Variants in BICD1 observed in about 807,000 individuals in gnomAD.
BICD1 encodes protein bicaudal D homolog 1.
A neutral mutation model predicts 92.5 loss-of-function variants in BICD1; 35 were observed. That is an observed-to-expected ratio of 0.38 (90% confidence interval 0.29 to 0.50). BICD1 has a LOEUF of 0.50. Ranked by LOEUF, BICD1 falls within the 20% of genes least tolerant of loss-of-function variation. The probability of loss-of-function intolerance (pLI) is 0.93; values close to 1 mark genes in which losing one functional copy is unlikely to be tolerated. For missense variants in BICD1, 950 were observed against 1,189.8 expected (o/e 0.80, Z 2.97); for synonymous variants, 429 against 465.1 (o/e 0.92, Z 1.00).
intron 1 of BICD1, among the ~76,000 whole-genome samples, chr12:32,170,423 A>G (rs10506083): frequency 0.44 from 66,550 of 152,078 alleles, 15,445 homozygotes; most frequent in East Asian, 0.59. Flanking sequence ...TTCTTGGGCC[A>G]GAGCCTAAAC....
At chr12:32,147,394 G>A (rs1411948198) in intron 1 of BICD1, among the ~76,000 whole-genome samples, 1 of 152,064 alleles carries the variant, frequency 6.6e-6, no homozygotes, top group Admixed American at 6.5e-5. Flanking sequence ...TTCAGGTGGC[G>A]GTGGTGGATT....
intron 1 of BICD1, among the ~76,000 whole-genome samples, chr12:32,145,602 A>G (rs942530955): frequency 2.7e-4 from 41 of 152,358 alleles, no homozygotes; most frequent in African/African-American, 8.4e-4. Context: ...AACATAGCCA[A>G]TAACTTTACA....
chr12:32,322,495 T>A (rs574536433), intron 4 of BICD1, among the ~76,000 whole-genome samples: 1 of 152,274 alleles, frequency 6.6e-6, no homozygotes, highest in Admixed American at 6.5e-5. Flanking sequence ...GGCAATCTGA[T>A]GCTGCCACTC....
Position 32,216,360 on chromosome 12 carries a change from C to A in BICD1, c.327C>A (p.Ile109=). 6.2e-7 allele frequency: 1 copy of A among 1,614,124 alleles called. No individual in the cohort carries two copies. The highest frequency in any genetic ancestry group is 1.1e-5 in the South Asian group (1 of 91,068). The part of the protein sequence containing the change: ...ASKEAYYLGK[I]LEMQNELKQS... Reference sequence around the variant, plus strand: ...AGGAGGCTTACTATCTGGGGAAGATCTTGGAGATGCAGAACGAGCTGAAAC... The same window carrying A: ...AGGAGGCTTACTATCTGGGGAAGATATTGGAGATGCAGAACGAGCTGAAAC... Residue 109 remains isoleucine (I), a synonymous_variant, in exon 2 of 10, where the codon ATC becomes ATA. Transcript: ENST00000652176.
intron 3 of BICD1, 142 bp from the exon 4 acceptor site, chr12:32,305,555 A>G (rs1948189046): frequency 1.5e-6 from 1 of 649,160 alleles, no homozygotes; most frequent in South Asian, 2.4e-5. Context: ...AACTTTAAGG[A>G]TATATTGTGT....
intron 1 of BICD1, among the ~76,000 whole-genome samples, chr12:32,207,033 T>C (rs776081956): frequency 4.6e-5 from 7 of 152,176 alleles, no homozygotes; most frequent in Non-Finnish European, 1.0e-4. Context: ...AAGAAAATGG[T>C]GATACAAAAT....
At chr12:32,364,564 T>G (rs1472260609) in intron 8 of BICD1, among the ~76,000 whole-genome samples, 1 of 152,244 alleles carries the variant, frequency 6.6e-6, no homozygotes, top group Non-Finnish European at 1.5e-5. Context: ...TTTAATTTTT[T>G]AAGTCCATCA....
In BICD1 at chr12:32,333,331, T is replaced by C. The variant is rs1937961380; in HGVS notation, c.2101-1185T>C. The C allele has an allele frequency of 5.5e-6, 5 of 916,542 alleles. No individual in the cohort carries two copies. In the South Asian group the frequency reaches 2.5e-4, roughly 46 times the overall value. 56.8% of individuals were successfully genotyped at this position (916,542 alleles called of 1,614,324 possible). A position where few individuals can be genotyped will look rare whatever the true frequency, so the allele number is the denominator to read the frequency against. On this transcript the variant is annotated intron_variant, in intron 5 of 9. Coordinates refer to ENST00000652176, the MANE Select transcript of BICD1 (RefSeq NM_001714.4). ...AGAACATACAGAAGTATTTTATGAGTAAAGTCTCATTTTAATCTGAATTTA... is the reference window on the plus strand; with the variant it reads ...AGAACATACAGAAGTATTTTATGAGCAAAGTCTCATTTTAATCTGAATTTA...
At chr12:32,368,524 G>A (rs374588019) in intron 9 of BICD1, among the ~76,000 whole-genome samples, 8 of 151,792 alleles carry the variant, frequency 5.3e-5, no homozygotes, top group East Asian at 1.9e-4. Context: ...GTGAAACCCC[G>A]TCTCTACTAA....
chr12:32,141,917 A>G (rs912837869), intron 1 of BICD1, among the ~76,000 whole-genome samples: 1 of 152,162 alleles, frequency 6.6e-6, no homozygotes, highest in African/African-American at 2.4e-5. Context: ...AGCCTAGCAC[A>G]TAGTAGGTGA....
At chr12:32,250,180 G>A (rs1946490384) in intron 2 of BICD1, among the ~76,000 whole-genome samples, 1 of 152,086 alleles carries the variant, frequency 6.6e-6, no homozygotes, top group African/African-American at 2.4e-5. Context: ...TTCAGTACAG[G>A]ATTAAGTGGT....
At chr12:32,156,735 A>G (rs1943450006) in intron 1 of BICD1, among the ~76,000 whole-genome samples, 1 of 152,192 alleles carries the variant, frequency 6.6e-6, no homozygotes, top group Admixed American at 6.5e-5. Context: ...TATTTACCCC[A>G]CGGAGGAGAT....
At chr12:32,181,206 G>T (rs956254608) in intron 1 of BICD1, among the ~76,000 whole-genome samples, 1 of 151,694 alleles carries the variant, frequency 6.6e-6, no homozygotes, top group African/African-American at 2.4e-5. Flanking sequence ...GATCACTTGA[G>T]GTCAGGAGTT....
chr12:32,198,706 G>A (rs977963175), intron 1 of BICD1, among the ~76,000 whole-genome samples: 6 of 151,834 alleles, frequency 4.0e-5, no homozygotes, highest in Admixed American at 1.3e-4. Context: ...TCCTCCTGCC[G>A]TCAAGGGTGT....
In BICD1 at chr12:32,328,888, G is replaced by A. The variant is rs927119458; in HGVS notation, c.2100+333G>A. The stretch of plus-strand genomic sequence containing the variant: ...TGAGTGGCTGTGGAAACAGGAGATG[G>A]AGGGTGGCAGAATAGGCTGGCAAGG... On this transcript the variant is annotated intron_variant, in intron 5 of 9. Transcript: ENST00000652176. This position sits in a 1 kb window ranked among gnomAD's most constrained non-coding sequence, Gnocchi z 4.4. 6.6e-6 allele frequency among the ~76,000 whole-genome samples: 1 copy of A among 152,032 alleles called. No individual in the cohort carries two copies. The highest frequency in any genetic ancestry group is 2.4e-5 in the African/African-American group (1 of 41,390).
At chr12:32,131,643 G>A (rs945471192) in intron 1 of BICD1, among the ~76,000 whole-genome samples, 2 of 152,196 alleles carry the variant, frequency 1.3e-5, no homozygotes, top group East Asian at 3.8e-4. Context: ...GGGGAACTTG[G>A]TGTAGGAAAA....
At chr12:32,224,409 A>G (rs932502451) in intron 2 of BICD1, among the ~76,000 whole-genome samples, 2 of 152,264 alleles carry the variant, frequency 1.3e-5, no homozygotes, top group African/African-American at 4.8e-5. Context: ...TCATTATTGC[A>G]TTTAATTCTC....
intron 2 of BICD1, among the ~76,000 whole-genome samples, chr12:32,261,214 T>C (rs1461750944): frequency 6.7e-6 from 1 of 148,818 alleles, no homozygotes; most frequent in Admixed American, 6.6e-5. Flanking sequence ...CCAGACCCTG[T>C]GCTAGGGAAC....
At chr12:32,234,570 T>C (rs1946002578) in intron 2 of BICD1, among the ~76,000 whole-genome samples, 1 of 137,934 alleles carries the variant, frequency 7.2e-6, no homozygotes, top group Non-Finnish European at 1.5e-5. Context: ...CGCTTTAGCC[T>C]GGGCAACAAG....
Sources: gnomAD v4.1 joint callset for allele counts (sites outside exome capture counted in the v4.1 genomes callset) on GRCh38, gnomAD v4.1.1 for gene constraint, Gnocchi (gnomAD v3.1) non-coding constraint, MANE v1.5 for transcripts, NCBI Gene and HGNC (gene_info 2026-07-23, HGNC 2026-07-21) for gene names.